The following SYT11 variants were observed in gnomAD, a reference collection of about 807,000 sequenced individuals.
The protein encoded by SYT11 is synaptotagmin-11.
In SYT11, 12 loss-of-function variants were observed where a neutral mutation model predicts 30.4. The observed-to-expected ratio is 0.39, with a 90% CI of 0.25 to 0.64. The LOEUF is 0.64. Ranked by LOEUF, SYT11 falls within the 30% of genes least tolerant of loss-of-function variation. The pLI, the probability that SYT11 is intolerant of heterozygous loss-of-function variation, is 0.45. For synonymous variants in SYT11, 204 were observed against 216.0 expected, an observed-to-expected ratio of 0.94 and a Z score of 0.49; for missense variants, 412 against 552.0, an observed-to-expected ratio of 0.75 and a Z score of 2.54.
rs1005767107 is a variant in SYT11 at position 155,860,522 on chromosome 1, G to A, written c.34+727G>A. 3.9e-5 allele frequency among the ~76,000 whole-genome samples: 6 copies of A among 152,288 alleles called. No individual in the cohort carries two copies. Among genetic ancestry groups the A allele is most frequent in the Non-Finnish European group, 7.3e-5 (5 of 68,028 alleles). On this transcript the variant is annotated intron_variant, in intron 1 of 3. Transcript: ENST00000368324. The surrounding 1 kb of genome is among the most constrained non-coding windows in gnomAD (Gnocchi z 4.1). ...TGGCAGCGCCGACGCTCTCCTTCCG[G>A]GGCCTTTGTTCCCTGTTTCCCTGGG...
intron 2 of SYT11, among the ~76,000 whole-genome samples, chr1:155,876,280 C>A (rs1460066481): frequency 7.1e-6 from 1 of 140,134 alleles, no homozygotes; most frequent in East Asian, 2.2e-4. Context: ...GAGTCTCGCT[C>A]CGTCTCCCAG....
chr1:155,859,648 C>T lies in SYT11; in HGVS notation c.-114C>T. 2 of 998,546 alleles carry T rather than the reference C, an allele frequency of 2.0e-6. No individual in the cohort carries two copies. Among genetic ancestry groups the T allele is most frequent in the Non-Finnish European group, 3.2e-6 (2 of 626,364 alleles). The allele number at this position is 998,546 out of a possible 1,614,324, so 61.9% of individuals were successfully genotyped here. ...CGTCGCAGGAGGCGTCCGCTGGATA[C>T]CTTCCCCCTTCCCTGACCTAGAGCT... On this transcript the variant is annotated 5_prime_UTR_variant, in exon 1 of 4. Coordinates refer to ENST00000368324, the MANE Select transcript of SYT11 (RefSeq NM_152280.5).
At chr1:155,881,105 G>GC (rs1321263465) in intron 3 of SYT11, 93 bp from the exon 4 acceptor site, 10 of 1,338,146 alleles carry the variant, frequency 7.5e-6, no homozygotes, top group East Asian at 4.6e-5. Flanking sequence ...GAACAACAGA[G>GC]CCCCCCCTTT....
chr1:155,866,959 TATACAC>T (rs1416399178), intron 1 of SYT11, among the ~76,000 whole-genome samples: 1 of 128,850 alleles, frequency 7.8e-6, no homozygotes, highest in Non-Finnish European at 1.6e-5. Context: ...CATATACATA[TATACAC>T]ATACACACAC....
chr1:155,881,368 C>T lies in SYT11; in HGVS notation c.1156C>T (p.Arg386Cys), dbSNP rs1226039485. 33 of 1,614,024 alleles carry T rather than the reference C, an allele frequency of 2.0e-5. No homozygotes were observed. Among genetic ancestry groups the T allele is most frequent in the South Asian group, 6.6e-5 (6 of 91,074 alleles). Residue 386 changes from arginine to cysteine, a missense_variant, in exon 4 of 4, where the codon CGC becomes TGC. Transcript: ENST00000368324. ...CGAGTTCCTCGTTATCGACTTCGAT[C>T]GCACCACCAAGAATGAGGTGGTGGG... Reference protein sequence around the residue: ...SIEFLVIDFDRTTKNEVVGRL... With the variant: ...SIEFLVIDFDCTTKNEVVGRL...
At chr1:155,875,900 G>A (rs1442563748) in intron 2 of SYT11, among the ~76,000 whole-genome samples, 2 of 152,114 alleles carry the variant, frequency 1.3e-5, no homozygotes, top group Non-Finnish European at 2.9e-5. Context: ...ATTTGCTGCC[G>A]CTGTTCTTTC....
At chr1:155,873,255 G>A (rs746358562) in intron 2 of SYT11, among the ~76,000 whole-genome samples, 15 of 151,996 alleles carry the variant, frequency 9.9e-5, no homozygotes, top group Non-Finnish European at 1.5e-4. Context: ...GTGAAACCCC[G>A]TTTCTACTAA....
At position 155,880,635 on chromosome 1, in the gene SYT11, C is replaced by T; in HGVS notation, c.985+12C>T. The T allele has an allele frequency of 6.2e-7, 1 of 1,613,538 alleles. No homozygotes were observed. Among genetic ancestry groups the T allele is most frequent in the Non-Finnish European group, 8.5e-7 (1 of 1,179,626 alleles). On this transcript the variant is annotated intron_variant, in intron 3 of 3. Coordinates refer to ENST00000368324, the MANE Select transcript of SYT11 (RefSeq NM_152280.5). ...CGGTCTCTCAGGTAGCAGCTATTTACTTCAACCTATTTCTTACTGTCTGAA... is the reference window on the plus strand; with the variant it reads ...CGGTCTCTCAGGTAGCAGCTATTTATTTCAACCTATTTCTTACTGTCTGAA...
intron 2 of SYT11, among the ~76,000 whole-genome samples, chr1:155,876,498 G>A (rs1219792375): frequency 1.3e-5 from 2 of 151,672 alleles, no homozygotes; most frequent in Non-Finnish European, 2.9e-5. Context: ...CGTCCGCCTC[G>A]GCCTCCCAAA....
Position 155,868,827 on chromosome 1 carries a change from G to A in SYT11, c.861+36G>A, listed in dbSNP as rs903576826. On this transcript the variant is annotated intron_variant, in intron 2 of 3. Transcript: ENST00000368324. The surrounding 1 kb of genome is among the most constrained non-coding windows in gnomAD (Gnocchi z 4.7). ...AGTGTGTGTTGGGGAGCAATGGTAGGTTGGGGGAGAAAATATCTCAGGGGA... is the reference window on the plus strand; with the variant it reads ...AGTGTGTGTTGGGGAGCAATGGTAGATTGGGGGAGAAAATATCTCAGGGGA... 5 of 1,573,612 alleles carry A rather than the reference G, an allele frequency of 3.2e-6. No individual in the cohort carries two copies. In the African/African-American group the frequency reaches 5.4e-5, roughly 17 times the overall value.
intron 1 of SYT11, among the ~76,000 whole-genome samples, chr1:155,866,534 C>G (rs1368279299): frequency 6.6e-6 from 1 of 152,092 alleles, no homozygotes; most frequent in Non-Finnish European, 1.5e-5. Flanking sequence ...GACTTATATT[C>G]TAGTGAAGAT....
Position 155,881,585 on chromosome 1 carries a change from G to A in SYT11, c.*77G>A. 7.2e-7 allele frequency: 1 copy of A among 1,393,770 alleles called. No homozygotes were observed. The highest frequency in any genetic ancestry group is 1.4e-5 in the South Asian group (1 of 70,780). 86.3% of individuals were successfully genotyped at this position (1,393,770 alleles called of 1,614,324 possible). A position where few individuals can be genotyped will look rare whatever the true frequency, so the allele number is the denominator to read the frequency against. On this transcript the variant is annotated 3_prime_UTR_variant, in exon 4 of 4. Transcript: ENST00000368324. Reference sequence around the variant, plus strand: ...GAGGGGAAAAAGATGACAGAGAAGTGGACTCCAAACCTCATTTTAGTTGTA... The same window carrying A: ...GAGGGGAAAAAGATGACAGAGAAGTAGACTCCAAACCTCATTTTAGTTGTA...
In SYT11 at chr1:155,868,346, T is replaced by C; in HGVS notation, c.416T>C (p.Leu139Pro). 6.2e-7 allele frequency: 1 copy of C among 1,614,000 alleles called. No homozygotes were observed. The highest frequency in any genetic ancestry group is 8.5e-7 in the Non-Finnish European group (1 of 1,180,006). ...GEELRSPITS[L>P]TPGESKTTSP... ...GAACTAAGGAGCCCTATTACAAGCCTGACCCCTGGGGAGAGCAAAACCACC... is the reference window on the plus strand; with the variant it reads ...GAACTAAGGAGCCCTATTACAAGCCCGACCCCTGGGGAGAGCAAAACCACC... The change falls in exon 2 of 4, where the codon CTG becomes CCG. Residue 139 changes from leucine (L) to proline (P), a missense_variant. Transcript: ENST00000368324. The surrounding 1 kb of genome is among the most constrained non-coding windows in gnomAD (Gnocchi z 4.7).
In SYT11 at chr1:155,868,298, C is replaced by G; in HGVS notation, c.368C>G (p.Pro123Arg). The G allele has an allele frequency of 6.2e-7, 1 of 1,614,014 alleles. No individual in the cohort carries two copies. The highest frequency in any genetic ancestry group is 8.5e-7 in the Non-Finnish European group (1 of 1,180,010). The stretch of plus-strand genomic sequence containing the variant: ...TCTGGATCTTGTATAGACCAATTAC[C>G]CATCAAAATGGACTATGGGGAAGAA... ...PSSGSCIDQL[P>R]IKMDYGEELR... Residue 123 changes from proline (P) to arginine (R), a missense_variant, in exon 2 of 4, where the codon CCC becomes CGC. Transcript: ENST00000368324. This position sits in a 1 kb window ranked among gnomAD's most constrained non-coding sequence, Gnocchi z 4.7.
At chr1:155,879,729 A>T (rs1457139668) in intron 2 of SYT11, among the ~76,000 whole-genome samples, 1 of 152,214 alleles carries the variant, frequency 6.6e-6, no homozygotes, top group African/African-American at 2.4e-5. Flanking sequence ...ACCAAATGAG[A>T]GGATGCACTT....
rs1459274319 is a variant in SYT11 at position 155,884,784 on chromosome 1, A to T, written c.*3276A>T. ...TATGAGTTATTCCTTCTTTCAGTTC[A>T]TCTCACTGGAGCACAGCCAAGATGG... On this transcript the variant is annotated 3_prime_UTR_variant, in exon 4 of 4. Coordinates refer to ENST00000368324, the MANE Select transcript of SYT11 (RefSeq NM_152280.5). 1 of 152,782 alleles carries T rather than the reference A, an allele frequency of 6.5e-6. No individual in the cohort carries two copies. The highest frequency in any genetic ancestry group is 2.4e-5 in the African/African-American group (1 of 41,460). The allele number at this position is 152,782 out of a possible 1,614,324, so 9.5% of individuals were successfully genotyped here.
intron 2 of SYT11, among the ~76,000 whole-genome samples, chr1:155,869,359 C>CTCA (rs1672746809): frequency 2.0e-5 from 3 of 150,858 alleles, no homozygotes; most frequent in Admixed American, 2.0e-4. Context: ...CAACCCCCAC[C>CTCA]GCCCAGGTTC....
At chr1:155,872,032 C>T (rs1298722238) in intron 2 of SYT11, among the ~76,000 whole-genome samples, 1 of 151,910 alleles carries the variant, frequency 6.6e-6, no homozygotes, top group African/African-American at 2.4e-5. Flanking sequence ...GAAAAAGCTA[C>T]TGCACTCTAG....
intron 2 of SYT11, among the ~76,000 whole-genome samples, chr1:155,876,964 CTTTTTT>C (rs11337901): frequency 8.5e-6 from 1 of 117,022 alleles, no homozygotes; most frequent in Non-Finnish European, 1.8e-5. Context: ...TTTTCTATTT[CTTTTTT>C]TTTTTTTTTT....
Sources: gnomAD v4.1 joint callset for allele counts (sites outside exome capture counted in the v4.1 genomes callset) on GRCh38, gnomAD v4.1.1 for gene constraint, Gnocchi (gnomAD v3.1) non-coding constraint, MANE v1.5 for transcripts, NCBI Gene and HGNC (gene_info 2026-07-23, HGNC 2026-07-21) for gene names.